ACOT12: variants seen among roughly 807,000 people sequenced by gnomAD.
ACOT12 encodes the protein acetyl-coenzyme A thioesterase.
Under a neutral mutation model 67.7 loss-of-function variants are expected in ACOT12, and 51 were observed. The ratio of observed to expected loss-of-function variants is 0.75; its 90% CI spans 0.60 to 0.95. The LOEUF is 0.95. Ranked by LOEUF, ACOT12 falls within the 40% of genes least tolerant of loss-of-function variation. The pLI is 0.00. For synonymous variants in ACOT12, 251 were observed against 244.6 expected, an observed-to-expected ratio of 1.03 and a Z score of -0.24; for missense variants, 734 against 708.1, an observed-to-expected ratio of 1.04 and a Z score of -0.41.
At chr5:81,380,010 T>C (rs574782067) in intron 2 of ACOT12, among the ~76,000 whole-genome samples, 147 of 152,266 alleles carry the variant, frequency 9.7e-4, no homozygotes, top group Non-Finnish European at 1.9e-3. Flanking sequence ...CCTGTCATAA[T>C]CTGTAGCATT....
intron 14 of ACOT12, 80 bp downstream of exon 14, chr5:81,330,734 A>C (rs1042638643): frequency 6.4e-7 from 1 of 1,565,522 alleles, no homozygotes; most frequent in Non-Finnish European, 8.6e-7. Flanking sequence ...ATTACAATTA[A>C]TTAGGACATC....
Position 81,385,813 on chromosome 5 carries a change from AG to A in ACOT12, c.140del (p.Ala47ValfsTer25). On this transcript the variant is annotated frameshift_variant, in exon 2 of 15. Coordinates refer to ENST00000307624, the MANE Select transcript of ACOT12 (RefSeq NM_130767.3). LOFTEE classifies it high-confidence loss of function. ...CTGAGGCTGTAACGCAGGAAACTCC[AG>A]CATGTTTCTCAGCTTCAAAAAATAC... is the stretch of plus-strand genomic sequence containing the variant. ...TTACLAAEKH[A>X]GVSCVTASVD... 2.5e-6 allele frequency: 4 copies of A among 1,614,042 alleles called. No homozygotes were observed. Among genetic ancestry groups the A allele is most frequent in the Non-Finnish European group, 3.4e-6 (4 of 1,179,982 alleles).
At chr5:81,370,120 A>C (rs550276356) in intron 3 of ACOT12, among the ~76,000 whole-genome samples, 82 of 152,178 alleles carry the variant, frequency 5.4e-4, no homozygotes, top group African/African-American at 1.8e-3. Context: ...ATCTCTACTA[A>C]AAATACAAAA....
At chr5:81,346,039 G>C in intron 6 of ACOT12, 35 bp from the exon 7 acceptor site, 18 of 1,605,644 alleles carry the variant, frequency 1.1e-5, no homozygotes, top group Non-Finnish European at 1.5e-5. Flanking sequence ...AGAAGAAAGC[G>C]ATCACACATT....
At chr5:81,326,090 A>T (rs1248784989), downstream of ACOT12, among the ~76,000 whole-genome samples, 1 of 144,576 alleles carries the variant, frequency 6.9e-6, no homozygotes, top group Non-Finnish European at 1.5e-5. Context: ...TATAGGCATG[A>T]GCGACTGCAC....
rs368732589 is a variant in ACOT12 at position 81,344,933 on chromosome 5, C to G, written c.882G>C (p.Lys294Asn). The G allele has an allele frequency of 1.5e-5, 24 of 1,614,064 alleles. No individual in the cohort carries two copies. The highest frequency in any genetic ancestry group is 2.0e-5 in the Non-Finnish European group (24 of 1,180,038). Residue 294 changes from lysine to asparagine, a missense_variant, in exon 8 of 15, where the codon AAG becomes AAC. Coordinates refer to ENST00000307624, the MANE Select transcript of ACOT12 (RefSeq NM_130767.3). ...TTCTGGGAAACGTGATGAGATTTTC[C>G]TTATCATCAGCAGCATTGTAAATGA... is the stretch of plus-strand genomic sequence containing the variant. ...AFLIYNAADD[K>N]ENLITFPRIQ... is the part of the protein sequence containing the mutation.
rs543384449 is a variant in ACOT12 at position 81,389,528 on chromosome 5, C to G, written c.128-3702G>C. ...GTATTCTTTGTATTAGTTTTTCTTT[C>G]TTTCTTTTTTTAAATTGGAGACAGA... On this transcript the variant is annotated intron_variant, in intron 1 of 14. Transcript: ENST00000307624. Among the ~76,000 whole-genome samples the G allele has an allele frequency of 7.9e-5, 12 of 152,050 alleles. No homozygotes were observed. The East Asian group carries it at 2.1e-3, about 27-fold the overall frequency.
intron 14 of ACOT12, 43 bp downstream of exon 14, chr5:81,330,771 T>C (rs374946351): frequency 3.8e-6 from 6 of 1,598,280 alleles, no homozygotes; most frequent in Non-Finnish European, 5.1e-6. Flanking sequence ...TTTTTCGCTA[T>C]CTGGCAGAGC....
At chr5:81,348,037 A>C in intron 5 of ACOT12, 107 bp from the exon 6 acceptor site, 2 of 1,290,476 alleles carry the variant, frequency 1.5e-6, no homozygotes, top group Non-Finnish European at 2.1e-6. Flanking sequence ...TAGAAAAATT[A>C]AAGTGTTCTC....
At chr5:81,308,731 T>G in the ACOT12 span, 5 of 1,594,572 alleles carry the variant, frequency 3.1e-6, no homozygotes, top group Non-Finnish European at 4.3e-6. Context: ...TCTTTCAGTT[T>G]TTTGTTTTGT....
At chr5:81,389,243 T>C (rs1319394585) in intron 1 of ACOT12, among the ~76,000 whole-genome samples, 1 of 152,092 alleles carries the variant, frequency 6.6e-6, no homozygotes, top group Non-Finnish European at 1.5e-5. Flanking sequence ...GTGACTGCAA[T>C]GCAGAGAGTA....
intron 1 of ACOT12, 61 bp from the exon 2 acceptor site, chr5:81,385,887 G>A: frequency 1.0e-5 from 15 of 1,490,944 alleles, no homozygotes; most frequent in Non-Finnish European, 1.3e-5. Context: ...TTCAGTATAA[G>A]GGAAAGGAAT....
chr5:81,335,920 A>T lies in ACOT12; in HGVS notation c.1129-19T>A, dbSNP rs745503512. 104 of 1,590,400 alleles carry T rather than the reference A, an allele frequency of 6.5e-5. No homozygotes were observed. The highest frequency in any genetic ancestry group is 8.6e-5 in the Non-Finnish European group (101 of 1,171,132). Reference sequence around the variant, plus strand: ...TTTTTATCTAAAAGACAACAAAAAAATTAAATTACGAAAGAAAACTGATGC... The same window carrying T: ...TTTTTATCTAAAAGACAACAAAAAATTTAAATTACGAAAGAAAACTGATGC... On this transcript the variant is annotated intron_variant, in intron 11 of 14. Transcript: ENST00000307624.
At chr5:81,346,858 C>T (rs1759397353) in intron 6 of ACOT12, among the ~76,000 whole-genome samples, 1 of 152,066 alleles carries the variant, frequency 6.6e-6, no homozygotes, top group African/African-American at 2.4e-5. Flanking sequence ...TAAAAATTTT[C>T]AATGGTTATG....
chr5:81,332,734 T>A, intron 12 of ACOT12, 129 bp from the exon 13 acceptor site: 1 of 1,091,950 alleles, frequency 9.2e-7, no homozygotes, highest in Non-Finnish European at 1.3e-6. Context: ...ATCATCTCCC[T>A]AAAAGCCAGC....
intron 1 of ACOT12, among the ~76,000 whole-genome samples, chr5:81,390,274 T>A (rs1760829772): frequency 6.6e-6 from 1 of 151,308 alleles, no homozygotes; most frequent in Admixed American, 6.6e-5. Flanking sequence ...ACTTTATTTT[T>A]AAAATTCATT....
intron 2 of ACOT12, among the ~76,000 whole-genome samples, chr5:81,385,106 A>T (rs1432061745): frequency 2.0e-5 from 3 of 152,146 alleles, no homozygotes; most frequent in African/African-American, 7.2e-5. Context: ...TTATAAAGAT[A>T]CTTATTATCA....
Position 81,387,446 on chromosome 5 carries a change from C to G in ACOT12, c.128-1620G>C, listed in dbSNP as rs527632165. Among the ~76,000 whole-genome samples the G allele has an allele frequency of 2.0e-5, 3 of 151,556 alleles. No homozygotes were observed. The South Asian group carries it at 6.3e-4, about 32-fold the overall frequency. ...ACTTAATAAACATTCATTCCAGTTA[C>G]TTGACATGAGGGAATGGGATGTTGA... On this transcript the variant is annotated intron_variant, in intron 1 of 14. Transcript: ENST00000307624.
intron 12 of ACOT12, among the ~76,000 whole-genome samples, chr5:81,335,095 A>G (rs989405058): frequency 3.3e-5 from 5 of 152,210 alleles, no homozygotes; most frequent in African/African-American, 9.6e-5. Context: ...CTTCCTCAAG[A>G]GCAATGAGGT....
Sources: gnomAD v4.1 joint callset for allele counts (sites outside exome capture counted in the v4.1 genomes callset) on GRCh38, gnomAD v4.1.1 for gene constraint, MANE v1.5 for transcripts, NCBI Gene and HGNC (gene_info 2026-07-23, HGNC 2026-07-21) for gene names.